Variants in SETDB1 observed in about 807,000 individuals in gnomAD.
The protein encoded by SETDB1 is histone-lysine N-methyltransferase SETDB1.
A neutral mutation model predicts 137.4 loss-of-function variants in SETDB1; 31 were observed. The ratio of observed to expected loss-of-function variants is 0.23; its 90% CI spans 0.17 to 0.30. SETDB1 has a LOEUF of 0.30. Among genes scored for constraint, SETDB1 ranks in the 10% least tolerant of loss-of-function variants. The pLI, the probability that SETDB1 is intolerant of heterozygous loss-of-function variation, is 1.00. For synonymous variants in SETDB1, 548 were observed against 579.9 expected, an observed-to-expected ratio of 0.95 and a Z score of 0.79; for missense variants, 1,113 against 1,631.5, an observed-to-expected ratio of 0.68 and a Z score of 5.47.
intron 4 of SETDB1, 137 bp from the exon 5 acceptor site, chr1:150,941,192 A>G: frequency 1.7e-6 from 1 of 580,022 alleles, no homozygotes; most frequent in Non-Finnish European, 3.2e-6. Flanking sequence ...CAGCTTTGCC[A>G]GATAAAGTAA....
Position 150,962,732 on chromosome 1 carries a change from A to G in SETDB1, c.3294+13A>G, listed in dbSNP as rs747814694. 3 of 1,612,302 alleles carry G rather than the reference A, an allele frequency of 1.9e-6. No homozygotes were observed. The highest frequency in any genetic ancestry group is 2.2e-5 in the South Asian group (2 of 91,048). On this transcript the variant is annotated intron_variant, in intron 18 of 21. Transcript: ENST00000692827. Reference sequence around the variant, plus strand: ...GTCCAACCCTGATGTAAGTCACCTCAAGCTTATTCAGAGTCTAATAAAGGA... The same window carrying G: ...GTCCAACCCTGATGTAAGTCACCTCGAGCTTATTCAGAGTCTAATAAAGGA...
chr1:150,936,960 AC>A (rs1413260374), intron 3 of SETDB1, among the ~76,000 whole-genome samples: 1 of 152,180 alleles, frequency 6.6e-6, no homozygotes, highest in Non-Finnish European at 1.5e-5. Flanking sequence ...TCCCATCTCT[AC>A]TAAAAATACA....
At chr1:150,948,637 T>C (rs1051358843) in intron 10 of SETDB1, among the ~76,000 whole-genome samples, 1 of 152,030 alleles carries the variant, frequency 6.6e-6, no homozygotes, top group East Asian at 1.9e-4. Context: ...AAAAGTATTA[T>C]CTAAGTCAAA....
chr1:150,954,548 C>A (rs1186817534), intron 14 of SETDB1, among the ~76,000 whole-genome samples: 2 of 151,742 alleles, frequency 1.3e-5, no homozygotes, highest in Non-Finnish European at 2.9e-5. Flanking sequence ...AGGTAGGTTC[C>A]CATTAAGAGA....
intron 5 of SETDB1, among the ~76,000 whole-genome samples, chr1:150,941,879 C>T (rs759163140): frequency 2.2e-4 from 33 of 151,902 alleles, no homozygotes; most frequent in Non-Finnish European, 4.0e-4. Context: ...CGGTGGCTCA[C>T]GCCTGTAATC....
chr1:150,959,047 A>G, intron 14 of SETDB1, 131 bp from the exon 15 acceptor site: 7 of 634,780 alleles, frequency 1.1e-5, no homozygotes, highest in Non-Finnish European at 1.8e-5. Flanking sequence ...CACTTAGATC[A>G]TTACCTAATT....
chr1:150,928,096 C>T lies in SETDB1; in HGVS notation c.260+122C>T, dbSNP rs902843302. On this transcript the variant is annotated intron_variant, in intron 2 of 21. Coordinates refer to ENST00000692827, the MANE Select transcript of SETDB1 (RefSeq NM_001366418.1). ...GTTTTGAGACGGAGTCTCGCTCTGT[C>T]ACCCAAGCTAGAGTGCAGTGGAGTG... 3 of 1,213,280 alleles carry T rather than the reference C, an allele frequency of 2.5e-6. No individual in the cohort carries two copies. The African/African-American group carries it at 4.5e-5, about 18-fold the overall frequency. The allele number at this position is 1,213,280 out of a possible 1,614,324, so 75.2% of individuals were successfully genotyped here.
intron 11 of SETDB1, 37 bp downstream of exon 11, chr1:150,949,315 A>G: frequency 6.2e-7 from 1 of 1,612,330 alleles, no homozygotes; most frequent in South Asian, 1.1e-5. Flanking sequence ...AGTTTCTTTC[A>G]TATTATATTT....
intron 20 of SETDB1, 66 bp from the exon 21 acceptor site, chr1:150,963,929 C>G: frequency 1.4e-6 from 2 of 1,474,966 alleles, no homozygotes; most frequent in East Asian, 2.3e-5. Flanking sequence ...TTCCAACTCT[C>G]ACTCTCCCTG....
chr1:150,947,116 C>T, intron 10 of SETDB1, 104 bp downstream of exon 10: 1 of 1,335,546 alleles, frequency 7.5e-7, no homozygotes, highest in East Asian at 2.5e-5. Context: ...ACTGTATACT[C>T]ATTGGAAACA....
chr1:150,960,604 G>T lies in SETDB1; in HGVS notation c.2545G>T (p.Glu849Ter), dbSNP rs770075488. The change falls in exon 16 of 22, where the codon GAA becomes TAA. Residue 849 changes from glutamate to a stop codon, truncating the protein, a stop_gained. Coordinates refer to ENST00000692827, the MANE Select transcript of SETDB1 (RefSeq NM_001366418.1). LOFTEE classifies it high-confidence loss of function. ...TGACTTTGCAGACAAGGAGGGTCTGGAAATGGGTGATGAGTACTTTGCAAA... is the reference window on the plus strand; with the variant it reads ...TGACTTTGCAGACAAGGAGGGTCTGTAAATGGGTGATGAGTACTTTGCAAA... ...TDDFADKEGL[E>*]MGDEYFANLD... 1 of 1,613,952 alleles carries T rather than the reference G, an allele frequency of 6.2e-7. No homozygotes were observed. Among genetic ancestry groups the T allele is most frequent in the Non-Finnish European group, 8.5e-7 (1 of 1,179,990 alleles).
chr1:150,936,387 G>A (rs587748090), intron 3 of SETDB1, among the ~76,000 whole-genome samples: 48 of 152,214 alleles, frequency 3.2e-4, no homozygotes, highest in African/African-American at 1.1e-3. Flanking sequence ...CTAGTGAGGC[G>A]AATGCATTCA....
At chr1:150,954,045 A>G (rs966424240) in intron 14 of SETDB1, among the ~76,000 whole-genome samples, 18 of 151,926 alleles carry the variant, frequency 1.2e-4, no homozygotes, top group African/African-American at 4.3e-4. Context: ...TAGTAGAGAC[A>G]GGGTTTCACC....
chr1:150,960,522 C>A, intron 15 of SETDB1, 41 bp from the exon 16 acceptor site: 2 of 1,489,858 alleles, frequency 1.3e-6, no homozygotes, highest in South Asian at 1.3e-5. Flanking sequence ...ACTAATAGGT[C>A]CCCATAACCC....
chr1:150,950,508 C>T lies in SETDB1; in HGVS notation c.1634C>T (p.Ala545Val). The T allele has an allele frequency of 6.2e-7, 1 of 1,613,122 alleles. No individual in the cohort carries two copies. The highest frequency in any genetic ancestry group is 2.2e-5 in the East Asian group (1 of 44,874). The change falls in exon 13 of 22, where the codon GCC (alanine) becomes GTC (valine). Residue 545 changes from alanine to valine, a missense_variant. Ala to Val is a moderately conservative substitution (Grantham distance 64). Around this residue, in one of 11 missense-constraint regions of SETDB1, gnomAD observed 192 missense variants for 198.1 expected, o/e 0.97. Transcript: ENST00000692827. ...GCCCCAGCACCCTCAGCACTCCCGGCCCCTCCAGCACCCCCAGTCTTCCAT... is the reference window on the plus strand; with the variant it reads ...GCCCCAGCACCCTCAGCACTCCCGGTCCCTCCAGCACCCCCAGTCTTCCAT... Reference protein sequence around the residue: ...ASAPAPSALPAPPAPPVFHGM... With the variant: ...ASAPAPSALPVPPAPPVFHGM...
chr1:150,960,990 A>G lies in SETDB1; in HGVS notation c.2931A>G (p.Thr977=), dbSNP rs762814654. Residue 977 remains threonine, a synonymous_variant, in exon 16 of 22, where the codon ACA becomes ACG. Transcript: ENST00000692827. ...GGCNPPSSEE[T]PKNKVASWLS... ...GCAATCCACCTTCCTCCGAAGAGAC[A>G]CCCAAGAACAAGGTGGCCTCATGGT... 115 of 1,613,094 alleles carry G rather than the reference A, an allele frequency of 7.1e-5. 1 individual carries two copies. The highest frequency in any genetic ancestry group is 9.3e-5 in the Non-Finnish European group (110 of 1,179,836).
At chr1:150,932,176 A>G (rs1412444153) in intron 3 of SETDB1, among the ~76,000 whole-genome samples, 1 of 151,662 alleles carries the variant, frequency 6.6e-6, no homozygotes, top group Non-Finnish European at 1.5e-5. Flanking sequence ...GCTTGAGCCC[A>G]GGAGTTCAAG....
At chr1:150,935,474 A>G (rs1206724643) in intron 3 of SETDB1, among the ~76,000 whole-genome samples, 1 of 150,892 alleles carries the variant, frequency 6.6e-6, no homozygotes, top group Non-Finnish European at 1.5e-5. Flanking sequence ...TGGGATTTCC[A>G]TTACATATAT....
chr1:150,956,508 G>A (rs1670646066), intron 14 of SETDB1, among the ~76,000 whole-genome samples: 1 of 152,096 alleles, frequency 6.6e-6, no homozygotes, highest in Non-Finnish European at 1.5e-5. Flanking sequence ...TGCCCCTACT[G>A]AGCTGATCTT....
Sources: gnomAD v4.1 joint callset for allele counts (sites outside exome capture counted in the v4.1 genomes callset) on GRCh38, gnomAD v4.1.1 for gene constraint, gnomAD v4.1.1 regional missense constraint, MANE v1.5 for transcripts, NCBI Gene and HGNC (gene_info 2026-07-23, HGNC 2026-07-21) for gene names.